The following KCNU1 variants were observed in gnomAD, a reference collection of about 807,000 sequenced individuals.
KCNU1 encodes the protein potassium calcium-activated channel subfamily U member 1, also known as potassium channel subfamily U member 1.
KCNU1 carries 93 observed loss-of-function variants against 126.8 expected under a neutral mutation model. That is an observed-to-expected ratio of 0.73 (90% confidence interval 0.62 to 0.87). The LOEUF (loss-of-function observed/expected upper bound fraction) is 0.87. KCNU1 is among the 40% of genes least tolerant of loss of function. The pLI is 0.00. For synonymous variants in KCNU1, 523 were observed against 494.2 expected, an observed-to-expected ratio of 1.06 and a Z score of -0.77; for missense variants, 1,330 against 1,367.1, an observed-to-expected ratio of 0.97 and a Z score of 0.43.
intron 19 of KCNU1, among the ~76,000 whole-genome samples, chr8:36,886,707 G>T (rs923910830): frequency 6.6e-6 from 1 of 152,004 alleles, no homozygotes; most frequent in African/African-American, 2.4e-5. Flanking sequence ...TGGATGAATT[G>T]CATCGTGGTG....
Position 36,836,326 on chromosome 8 carries a change from C to T in KCNU1, c.1326C>T (p.Thr442=), listed in dbSNP as rs760213220. The T allele has an allele frequency of 5.0e-6, 8 of 1,606,958 alleles. No homozygotes were observed. The highest frequency in any genetic ancestry group is 6.8e-6 in the Non-Finnish European group (8 of 1,174,392). The change falls in exon 13 of 27, where the codon ACC becomes ACT. Residue 442 remains threonine, a synonymous_variant. Transcript: ENST00000399881. ...TCTCTATCAAGAACTATGATTCTAC[C>T]ACCAGAATCATCATACAGATACTGC... is the stretch of plus-strand genomic sequence containing the variant. ...RVLSIKNYDS[T]TRIIIQILQS...
chr8:36,904,811 G>A (rs183654325), intron 19 of KCNU1, among the ~76,000 whole-genome samples: 12 of 152,186 alleles, frequency 7.9e-5, no homozygotes, highest in East Asian at 1.9e-4. Flanking sequence ...CCCAGGCTCC[G>A]GATGGCTGTG....
At position 36,935,537 on chromosome 8, in the gene KCNU1, A is replaced by G. The variant is rs760732866; in HGVS notation, c.3067A>G (p.Asn1023Asp). The G allele has an allele frequency of 1.2e-6, 2 of 1,603,718 alleles. No individual in the cohort carries two copies. Among genetic ancestry groups the G allele is most frequent in the Non-Finnish European group, 1.7e-6 (2 of 1,173,716 alleles). The change falls in exon 27 of 27, where the codon AAT becomes GAT. Residue 1023 changes from asparagine to aspartate, a missense_variant. By Grantham distance (23) the Asn-to-Asp change is conservative. Around this residue, in one of 3 missense-constraint regions of KCNU1, gnomAD observed 1,054 missense variants for 1,053.9 expected, o/e 1.00. Transcript: ENST00000399881. ...NKRFVITRPA[N>D]EFKLLPSDLV... is the part of the protein sequence containing the mutation. ...CAGGTTTGTGATCACCCGGCCAGCC[A>G]ATGAGTTCAAGCTGCTGCCTTCAGA...
At chr8:36,929,142 G>A (rs1808620771) in intron 24 of KCNU1, 2 of 597,130 alleles carry the variant, frequency 3.3e-6, no homozygotes, top group South Asian at 1.9e-5. Context: ...AGCACTTTGG[G>A]AGGCCAAGGT....
intron 5 of KCNU1, 90 bp downstream of exon 5, chr8:36,806,470 T>C (rs1434252028): frequency 7.2e-6 from 5 of 693,472 alleles, no homozygotes; most frequent in Non-Finnish European, 1.2e-5. Flanking sequence ...CATTTGTTCT[T>C]AATGCCTGAC....
chr8:36,911,303 A>C (rs1807865764), intron 22 of KCNU1, among the ~76,000 whole-genome samples, 184 bp downstream of exon 22: 1 of 152,208 alleles, frequency 6.6e-6, no homozygotes, highest in Admixed American at 6.5e-5. Flanking sequence ...TGGAATTCTA[A>C]GTCAAATGGA....
intron 10 of KCNU1, among the ~76,000 whole-genome samples, chr8:36,828,858 T>C (rs541101690): frequency 6.6e-6 from 1 of 152,234 alleles, no homozygotes; most frequent in East Asian, 1.9e-4. Flanking sequence ...CATTGCACCA[T>C]TTGCAAGCCT....
chr8:36,878,606 C>T (rs915040249), intron 19 of KCNU1, among the ~76,000 whole-genome samples: 3 of 152,000 alleles, frequency 2.0e-5, no homozygotes, highest in Non-Finnish European at 4.4e-5. Context: ...CAAACTTGAC[C>T]ATTGGGTAGG....
intron 19 of KCNU1, among the ~76,000 whole-genome samples, chr8:36,865,773 CAAAAAAAAAA>C (rs538090899): frequency 2.2e-3 from 135 of 61,378 alleles, no homozygotes; most frequent in African/African-American, 0.01. Flanking sequence ...AAGAGCTTGT[CAAAAAAAAAA>C]AAAAAAAAAA....
intron 23 of KCNU1, among the ~76,000 whole-genome samples, chr8:36,919,835 C>T (rs923279671): frequency 3.3e-5 from 5 of 152,202 alleles, no homozygotes; most frequent in Admixed American, 6.5e-5. Context: ...ATTAGGTGAA[C>T]ATCTAGAAAT....
At chr8:36,788,887 C>A (rs1212333278) in intron 2 of KCNU1, among the ~76,000 whole-genome samples, 2 of 152,096 alleles carry the variant, frequency 1.3e-5, no homozygotes, top group African/African-American at 4.8e-5. Flanking sequence ...AGGGAACTTA[C>A]AACATCCATC....
rs1465987106 is a variant in KCNU1, at chr8:36,918,812, C to T, written c.2522-11C>T. 3.2e-6 allele frequency: 5 copies of T among 1,561,730 alleles called. No individual in the cohort carries two copies. Among genetic ancestry groups the T allele is most frequent in the Admixed American group, 3.4e-5 (2 of 59,602 alleles). On this transcript the variant is annotated splice_polypyrimidine_tract_variant and intron_variant, in intron 22 of 26. Coordinates refer to ENST00000399881, the MANE Select transcript of KCNU1 (RefSeq NM_001031836.3). ...TGTGTTTGCATTTATCACCTCTTTT[C>T]TTCTTTGCAGAGGAGACTCCAGGTT...
In KCNU1 at chr8:36,787,375, G is replaced by A; in HGVS notation, c.265G>A (p.Asp89Asn). The A allele has an allele frequency of 6.2e-7, 1 of 1,612,548 alleles. No individual in the cohort carries two copies. Among genetic ancestry groups the A allele is most frequent in the East Asian group, 2.2e-5 (1 of 44,834 alleles). ...CCTCCACTTCCAGGGACAATTTCGT[G>A]ATCATATAGAAATGTTGCTTTCAGC... ...RSLHFQGQFR[D>N]HIEMLLSAQT... The change falls in exon 2 of 27, where the codon GAT becomes AAT. Residue 89 changes from aspartate (D) to asparagine (N), a missense_variant. Physicochemically the swap from Asp to Asn is conservative, Grantham distance 23 (BLOSUM62 1). Around this residue, in one of 3 missense-constraint regions of KCNU1, gnomAD observed 247 missense variants for 255.4 expected, o/e 0.97. Transcript: ENST00000399881.
chr8:36,839,022 T>C (rs951322300), intron 14 of KCNU1, among the ~76,000 whole-genome samples: 1 of 152,196 alleles, frequency 6.6e-6, no homozygotes, highest in Non-Finnish European at 1.5e-5. Context: ...TCCCTGACTG[T>C]CAATTTCTCT....
At chr8:36,918,569 G>A (rs984366669) in intron 22 of KCNU1, among the ~76,000 whole-genome samples, 2 of 148,854 alleles carry the variant, frequency 1.3e-5, no homozygotes, top group South Asian at 2.2e-4. Flanking sequence ...AAGGAAAAAA[G>A]AAAAAAGAAA....
intron 20 of KCNU1, among the ~76,000 whole-genome samples, chr8:36,908,044 G>C (rs1414645655): frequency 6.6e-6 from 1 of 152,016 alleles, no homozygotes; most frequent in Admixed American, 6.6e-5. Context: ...AATTTGCTCA[G>C]TCATATAGCT....
chr8:36,899,401 C>T (rs1807327849), intron 19 of KCNU1, among the ~76,000 whole-genome samples: 1 of 152,076 alleles, frequency 6.6e-6, no homozygotes, highest in Admixed American at 6.6e-5. Flanking sequence ...GAACACTCTG[C>T]TCACAGCTGA....
rs191078998 is a variant in KCNU1 at position 36,839,788 on chromosome 8, A to C, written c.1519-675A>C. Reference sequence around the variant, plus strand: ...ACAGTGTGGTGGTGATTCTCATGGCAGTAGGTGGAGAAGGATGAGGAGAGG... The same window carrying C: ...ACAGTGTGGTGGTGATTCTCATGGCCGTAGGTGGAGAAGGATGAGGAGAGG... On this transcript the variant is annotated intron_variant, in intron 14 of 26. Coordinates refer to ENST00000399881, the MANE Select transcript of KCNU1 (RefSeq NM_001031836.3). Among the ~76,000 whole-genome samples the C allele has an allele frequency of 2.5e-3, 383 of 152,306 alleles. 3 individuals carry two copies. Among genetic ancestry groups the C allele is most frequent in the African/African-American group, 8.9e-3 (368 of 41,574 alleles).
At chr8:36,923,153 C>G (rs1054135598) in intron 24 of KCNU1, 1 of 440,912 alleles carries the variant, frequency 2.3e-6, no homozygotes, top group African/African-American at 2.0e-5. Flanking sequence ...CTTTAGCCAC[C>G]TGGCAGACCT....
Sources: allele counts gnomAD v4.1 joint callset (sites outside exome capture counted in the v4.1 genomes callset), GRCh38; gene constraint gnomAD v4.1.1; regional missense constraint gnomAD v4.1.1; transcripts MANE v1.5; gene names NCBI Gene and HGNC (gene_info 2026-07-23, HGNC 2026-07-21).